Variants in LRRTM4 observed in about 807,000 individuals in gnomAD.
The protein encoded by LRRTM4 is leucine-rich repeat transmembrane neuronal protein 4.
In LRRTM4, 25 loss-of-function variants were observed where a neutral mutation model predicts 47.6. The ratio of observed to expected loss-of-function variants is 0.53; its 90% CI spans 0.38 to 0.73. The LOEUF is 0.73. LRRTM4 is among the 30% of genes least tolerant of loss of function. LRRTM4 has a pLI of 0.00. For synonymous variants in LRRTM4, 311 were observed against 269.5 expected, an observed-to-expected ratio of 1.15 and a Z score of -1.51; for missense variants, 638 against 713.4, an observed-to-expected ratio of 0.89 and a Z score of 1.20.
At chr2:77,454,578 CCGTGTATATTCTTGGT>C (rs1299656083) in intron 3 of LRRTM4, among the ~76,000 whole-genome samples, 2 of 152,058 alleles carry the variant, frequency 1.3e-5, no homozygotes, top group African/African-American at 4.8e-5. Context: ...CCACTGGCTG[CCGTGTATATTCTTGGT>C]GGATACTGAC....
intron 3 of LRRTM4, among the ~76,000 whole-genome samples, chr2:77,341,500 C>T (rs1412072490): frequency 6.6e-6 from 1 of 152,006 alleles, no homozygotes; most frequent in African/African-American, 2.4e-5. Flanking sequence ...TCCATATTTC[C>T]TCTAAAACAA....
At chr2:77,089,356 A>G (rs1184225693) in intron 3 of LRRTM4, among the ~76,000 whole-genome samples, 1 of 151,088 alleles carries the variant, frequency 6.6e-6, no homozygotes, top group African/African-American at 2.4e-5. Context: ...CCAACCTCAT[A>G]TCTCTGCACC....
intron 3 of LRRTM4, among the ~76,000 whole-genome samples, chr2:76,918,628 C>G (rs961783541): frequency 3.3e-5 from 5 of 152,086 alleles, no homozygotes; most frequent in Non-Finnish European, 7.4e-5. Flanking sequence ...AACCCGGAAG[C>G]ATCTGTGTAA....
At chr2:77,202,546 A>G (rs750423773) in intron 3 of LRRTM4, among the ~76,000 whole-genome samples, 3 of 151,484 alleles carry the variant, frequency 2.0e-5, no homozygotes, top group African/African-American at 4.9e-5. Flanking sequence ...TGGAATTTGG[A>G]TAATTTTTTT....
chr2:77,090,068 C>T (rs1168359562), intron 3 of LRRTM4, among the ~76,000 whole-genome samples: 2 of 152,076 alleles, frequency 1.3e-5, no homozygotes, highest in African/African-American at 4.8e-5. Flanking sequence ...TGCTCCTCGC[C>T]AGGCTGAGCT....
intron 3 of LRRTM4, among the ~76,000 whole-genome samples, chr2:76,953,249 A>C (rs1396795583): frequency 2.0e-5 from 3 of 151,948 alleles, no homozygotes; most frequent in African/African-American, 4.8e-5. Context: ...ATAACACAAT[A>C]GACTATTCCA....
intron 3 of LRRTM4, among the ~76,000 whole-genome samples, chr2:76,749,669 T>G (rs1267215786): frequency 6.6e-6 from 1 of 152,182 alleles, no homozygotes; most frequent in Non-Finnish European, 1.5e-5. Flanking sequence ...AATAATGGTC[T>G]GCAGAAATTC....
At chr2:76,839,350 G>A (rs962680711) in intron 3 of LRRTM4, among the ~76,000 whole-genome samples, 1 of 152,032 alleles carries the variant, frequency 6.6e-6, no homozygotes, top group Non-Finnish European at 1.5e-5. Flanking sequence ...ACAGTAGAAA[G>A]GAGAAAATGA....
intron 3 of LRRTM4, among the ~76,000 whole-genome samples, chr2:77,161,971 A>C (rs762134176): frequency 6.6e-6 from 1 of 152,268 alleles, no homozygotes. Context: ...AACACAGAAG[A>C]CGAGTGATTT....
intron 3 of LRRTM4, among the ~76,000 whole-genome samples, chr2:77,508,934 A>C: frequency 6.6e-6 from 1 of 152,052 alleles, no homozygotes; most frequent in East Asian, 1.9e-4. Context: ...TGGGGAATGA[A>C]AAAACTGTTT....
chr2:77,129,603 C>T (rs1320251707), intron 3 of LRRTM4, among the ~76,000 whole-genome samples: 1 of 152,170 alleles, frequency 6.6e-6, no homozygotes, highest in Non-Finnish European at 1.5e-5. Context: ...TTTCTAGTTT[C>T]ATTAAGATAT....
chr2:77,231,288 G>A lies in LRRTM4; in HGVS notation c.1551+287030C>T, dbSNP rs569037230. ...CACAAAGACCAGATAGGCAATGTTT[G>A]GCAATATGATCCACTGAGCTCATAA... On this transcript the variant is annotated intron_variant, in intron 3 of 3. Transcript: ENST00000409884. 4.0e-4 allele frequency among the ~76,000 whole-genome samples: 60 copies of A among 151,748 alleles called. 1 individual carries two copies. Among genetic ancestry groups the A allele is most frequent in the African/African-American group, 1.4e-3 (57 of 41,378 alleles).
intron 3 of LRRTM4, among the ~76,000 whole-genome samples, chr2:77,122,824 T>C (rs1671554413): frequency 6.6e-6 from 1 of 151,740 alleles, no homozygotes; most frequent in Non-Finnish European, 1.5e-5. Context: ...TTCCACAATA[T>C]ATAATGAGTG....
At chr2:77,136,130 T>G (rs949101845) in intron 3 of LRRTM4, among the ~76,000 whole-genome samples, 1 of 152,102 alleles carries the variant, frequency 6.6e-6, no homozygotes, top group African/African-American at 2.4e-5. Context: ...AAGAGAGTAG[T>G]GGTTCTCCCA....
intron 3 of LRRTM4, among the ~76,000 whole-genome samples, chr2:77,213,615 A>G (rs1475849436): frequency 6.6e-6 from 1 of 152,210 alleles, no homozygotes; most frequent in Non-Finnish European, 1.5e-5. Flanking sequence ...ACAACAAAAG[A>G]TAAGAAAGAC....
chr2:77,185,091 T>G (rs943493614), intron 3 of LRRTM4, among the ~76,000 whole-genome samples: 3 of 152,192 alleles, frequency 2.0e-5, no homozygotes, highest in Non-Finnish European at 2.9e-5. Flanking sequence ...TCACTCACTC[T>G]GCCATTCACT....
intron 3 of LRRTM4, among the ~76,000 whole-genome samples, chr2:77,367,319 C>A (rs1001412240): frequency 3.3e-5 from 5 of 151,568 alleles, no homozygotes; most frequent in Non-Finnish European, 7.4e-5. Flanking sequence ...TAATAAGCTA[C>A]ATGAAAGCAG....
chr2:76,904,231 C>A (rs571250343), intron 3 of LRRTM4, among the ~76,000 whole-genome samples: 1 of 152,318 alleles, frequency 6.6e-6, no homozygotes, highest in East Asian at 1.9e-4. Flanking sequence ...GTGACAACCT[C>A]ACAGGATGTC....
intron 3 of LRRTM4, among the ~76,000 whole-genome samples, chr2:76,819,013 G>C (rs1250233453): frequency 6.6e-6 from 1 of 151,684 alleles, no homozygotes; most frequent in African/African-American, 2.4e-5. Flanking sequence ...ATGGAACAAA[G>C]AAAAGAGCAG....
Sources: gnomAD v4.1 joint callset for allele counts (sites outside exome capture counted in the v4.1 genomes callset) on GRCh38, gnomAD v4.1.1 for gene constraint, MANE v1.5 for transcripts, NCBI Gene and HGNC (gene_info 2026-07-23, HGNC 2026-07-21) for gene names.